Variants in NCALD observed in about 807,000 individuals in gnomAD.
NCALD encodes neurocalcin delta.
NCALD carries 10 observed loss-of-function variants against 18.6 expected under a neutral mutation model. The ratio of observed to expected loss-of-function variants is 0.54; its 90% confidence interval spans 0.33 to 0.91. NCALD has a LOEUF of 0.91. Ranked by LOEUF, NCALD falls within the 40% of genes least tolerant of loss-of-function variation. NCALD has a pLI of 0.03. For missense variants in NCALD, 184 were observed against 247.6 expected, an observed-to-expected ratio of 0.74 and a Z score of 1.72; for synonymous variants, 88 against 87.4, an observed-to-expected ratio of 1.01 and a Z score of -0.04.
At chr8:101,752,923 C>T (rs954510136) in intron 1 of NCALD, among the ~76,000 whole-genome samples, 5 of 148,332 alleles carry the variant, frequency 3.4e-5, no homozygotes, top group Admixed American at 3.3e-4. Flanking sequence ...TTTTACGATC[C>T]TCTTTTTTTG....
chr8:101,763,809 C>T (rs922401881), intron 1 of NCALD, among the ~76,000 whole-genome samples: 5 of 152,110 alleles, frequency 3.3e-5, no homozygotes, highest in African/African-American at 1.2e-4. Context: ...AAAACATTGG[C>T]TCTTCCTGGG....
rs113836618 is a variant in NCALD, at chr8:101,710,730, G to C, written c.378+8522C>G. Among the ~76,000 whole-genome samples, 1,139 of 152,348 alleles carry C rather than the reference G, an allele frequency of 7.5e-3. 17 individuals carry two copies. Among genetic ancestry groups the C allele is most frequent in the African/African-American group, 0.026 (1,065 of 41,578 alleles). The stretch of plus-strand genomic sequence containing the variant: ...GCCTCTCTAGATTCTTCCTCTCTGG[G>C]CAGGGCATCTCTGAAAGAAAGGCAG... On this transcript the variant is annotated intron_variant, in intron 2 of 3. Transcript: ENST00000220931.
At chr8:101,788,074 T>A (rs6987345) in intron 1 of NCALD, among the ~76,000 whole-genome samples, 3,244 of 152,266 alleles carry the variant, frequency 0.021, 110 homozygotes, top group African/African-American at 0.073. Context: ...AAGTTACAAT[T>A]TGGTAGCTAT....
rs749390035 is a variant in NCALD at position 101,840,202 on chromosome 8, T to C, written c.-20+46939A>G. 5.3e-5 allele frequency among the ~76,000 whole-genome samples: 8 copies of C among 151,848 alleles called. No homozygotes were observed. The South Asian group carries it at 1.2e-3, about 24-fold the overall frequency. ...CCTAGGTCTATAATAAGCCAGAGAT[T>C]GAATTAAAGATGATGGTTCTTACTT... is the stretch of plus-strand genomic sequence containing the variant. On this transcript the variant is annotated intron_variant, in intron 4 of 6. Coordinates refer to the NCALD transcript ENST00000311028.
chr8:101,736,659 C>G (rs1267339015), intron 1 of NCALD, among the ~76,000 whole-genome samples: 1 of 152,118 alleles, frequency 6.6e-6, no homozygotes, highest in African/African-American at 2.4e-5. Context: ...GCTCAGAGTT[C>G]AGGGAGTAAA....
At chr8:101,861,964 G>T (rs1470625206) in intron 4 of NCALD, among the ~76,000 whole-genome samples, 1 of 152,142 alleles carries the variant, frequency 6.6e-6, no homozygotes, top group African/African-American at 2.4e-5. Context: ...CAGGGAATTT[G>T]CAATCATTTA....
At chr8:101,850,478 T>C (rs1486290774) in intron 4 of NCALD, among the ~76,000 whole-genome samples, 1 of 152,230 alleles carries the variant, frequency 6.6e-6, no homozygotes, top group Non-Finnish European at 1.5e-5. Flanking sequence ...TGTGTTAGGT[T>C]AATGTTTTCC....
intron 1 of NCALD, among the ~76,000 whole-genome samples, chr8:102,121,499 C>T (rs573947253): frequency 3.3e-5 from 5 of 152,120 alleles, no homozygotes; most frequent in Non-Finnish European, 5.9e-5. Context: ...ATACCAATAC[C>T]AGGCAATCTG....
chr8:101,955,577 C>T (rs1819594274), intron 2 of NCALD, among the ~76,000 whole-genome samples: 1 of 152,172 alleles, frequency 6.6e-6, no homozygotes, highest in Non-Finnish European at 1.5e-5. Flanking sequence ...ACATAACAGA[C>T]TCTGCCCTTA....
At chr8:101,847,759 CA>C (rs754904149) in intron 4 of NCALD, among the ~76,000 whole-genome samples, 2 of 152,068 alleles carry the variant, frequency 1.3e-5, no homozygotes, top group Admixed American at 6.5e-5. Flanking sequence ...ACATGGGACC[CA>C]AGGAGACTTA....
At chr8:101,963,853 A>C (rs1819924679) in intron 2 of NCALD, among the ~76,000 whole-genome samples, 1 of 152,144 alleles carries the variant, frequency 6.6e-6, no homozygotes, top group Non-Finnish European at 1.5e-5. Flanking sequence ...TCATGATAAT[A>C]GTGTGGTACA....
intron 4 of NCALD, among the ~76,000 whole-genome samples, chr8:101,862,126 G>A (rs1815568564): frequency 6.6e-6 from 1 of 152,160 alleles, no homozygotes; most frequent in Non-Finnish European, 1.5e-5. Flanking sequence ...GAACTGTCAT[G>A]TCTGACAAAG....
At chr8:101,715,277 T>C (rs1174905047) in intron 2 of NCALD, among the ~76,000 whole-genome samples, 1 of 152,318 alleles carries the variant, frequency 6.6e-6, no homozygotes, top group East Asian at 1.9e-4. Flanking sequence ...GCTAGCCATA[T>C]GCAGAAAACT....
At chr8:101,837,373 A>T (rs1393688779) in intron 4 of NCALD, among the ~76,000 whole-genome samples, 1 of 152,224 alleles carries the variant, frequency 6.6e-6, no homozygotes, top group African/African-American at 2.4e-5. Flanking sequence ...GACATGTGAC[A>T]AAGACCACAT....
chr8:102,030,641 G>A (rs191583289), intron 1 of NCALD, among the ~76,000 whole-genome samples: 55 of 152,232 alleles, frequency 3.6e-4, no homozygotes, highest in Middle Eastern at 3.4e-3. Context: ...CAGCACTTTC[G>A]GAGTTGGGCG....
At chr8:101,980,053 T>A (rs1292284453) in intron 2 of NCALD, among the ~76,000 whole-genome samples, 1 of 151,324 alleles carries the variant, frequency 6.6e-6, no homozygotes, top group East Asian at 1.9e-4. Flanking sequence ...AAGGCCAAAA[T>A]GGGGGTGGGG....
chr8:102,092,945 G>A (rs936518056), intron 1 of NCALD, among the ~76,000 whole-genome samples: 2 of 152,154 alleles, frequency 1.3e-5, no homozygotes, highest in Non-Finnish European at 2.9e-5. Flanking sequence ...TGAGAGCAGG[G>A]ACTATGTCTG....
chr8:101,987,749 T>C (rs1586876566), intron 2 of NCALD, among the ~76,000 whole-genome samples: 2 of 152,100 alleles, frequency 1.3e-5, no homozygotes, highest in South Asian at 4.1e-4. Flanking sequence ...AAAACACGCC[T>C]TTTCCATCAC....
chr8:102,123,410 T>G (rs1826000035), intron 1 of NCALD, among the ~76,000 whole-genome samples: 2 of 145,674 alleles, frequency 1.4e-5, no homozygotes, highest in Admixed American at 7.0e-5. Context: ...CAGAGCCAAA[T>G]GGCATTCTTT....
Sources: gnomAD v4.1 joint callset for allele counts (sites outside exome capture counted in the v4.1 genomes callset) on GRCh38, gnomAD v4.1.1 for gene constraint, MANE v1.5 for transcripts, NCBI Gene and HGNC (gene_info 2026-07-23, HGNC 2026-07-21) for gene names.